The following CAV1 variants were observed in gnomAD, a reference collection of about 807,000 sequenced individuals.
The protein encoded by CAV1 is caveolin 1, also known as caveolin-1.
Under a neutral mutation model 16.5 loss-of-function variants are expected in CAV1, and 10 were observed. The observed-to-expected ratio is 0.61, with a 90% CI of 0.37 to 1.03. The LOEUF is 1.03. Among genes scored for constraint, CAV1 ranks in the 50% least tolerant of loss-of-function variants. The pLI, the probability that CAV1 is intolerant of heterozygous loss-of-function variation, is 0.01. For synonymous variants in CAV1, 76 were observed against 85.1 expected (o/e 0.89, Z 0.59); for missense variants, 212 against 232.8 (o/e 0.91, Z 0.58).
At chr7:116,553,235 C>T (rs1412143209) in intron 2 of CAV1, among the ~76,000 whole-genome samples, 1 of 152,078 alleles carries the variant, frequency 6.6e-6, no homozygotes, top group Non-Finnish European at 1.5e-5. Flanking sequence ...CCTTCAGATA[C>T]ATTGAACAGA....
chr7:116,557,249 T>A (rs1430258071), intron 2 of CAV1, among the ~76,000 whole-genome samples: 1 of 152,226 alleles, frequency 6.6e-6, no homozygotes, highest in Non-Finnish European at 1.5e-5. Context: ...AAACAGAATG[T>A]TCTACAAAAT....
At chr7:116,526,295 A>T in intron 1 of CAV1, 1 of 1,333,636 alleles carries the variant, frequency 7.5e-7, no homozygotes, top group Non-Finnish European at 9.7e-7. Flanking sequence ...CGCCCTGCAG[A>T]GTACAGAGGG....
At chr7:116,554,539 T>C (rs904726992) in intron 2 of CAV1, among the ~76,000 whole-genome samples, 1 of 152,200 alleles carries the variant, frequency 6.6e-6, no homozygotes, top group Non-Finnish European at 1.5e-5. Context: ...AGAGTTCTAA[T>C]TGCAGCTTTT....
rs1232983304 is a variant in CAV1, at chr7:116,555,484, AAAAG to A, written c.196-3428_196-3425del. 1.6e-3 allele frequency among the ~76,000 whole-genome samples: 10 copies of A among 6,084 alleles called. 1 individual carries two copies. Among genetic ancestry groups the A allele is most frequent in the South Asian group, 0.013 (1 of 76 alleles). The allele number at this position is 6,084 out of a possible 152,430, so 4.0% of individuals were successfully genotyped here. On this transcript the variant is annotated intron_variant, in intron 2 of 2. Transcript: ENST00000341049. ...GGAAGGAAGGAAGGAAGGAGGAAAG[AAAAG>A]AAAGAAAGAAAGAAAGAAAGAAAGA...
chr7:116,542,908 G>A (rs971466897), intron 2 of CAV1: 3 of 149,204 alleles, frequency 2.0e-5, no homozygotes, highest in Admixed American at 6.6e-5. Context: ...CCCAAAGTGC[G>A]AGTGGCCACA....
chr7:116,555,188 AT>A (rs1239809953), intron 2 of CAV1, among the ~76,000 whole-genome samples: 1 of 152,024 alleles, frequency 6.6e-6, no homozygotes, highest in Non-Finnish European at 1.5e-5. Context: ...CACGTCTGTA[AT>A]CCCAACACTT....
chr7:116,555,709 A>G (rs987828123), intron 2 of CAV1, among the ~76,000 whole-genome samples: 4 of 151,948 alleles, frequency 2.6e-5, no homozygotes, highest in African/African-American at 9.7e-5. Flanking sequence ...ACCAAAAGCA[A>G]GAGATTTTTT....
chr7:116,539,763 A>G (rs890389828), intron 2 of CAV1, among the ~76,000 whole-genome samples: 2 of 152,060 alleles, frequency 1.3e-5, no homozygotes, highest in Admixed American at 6.6e-5. Flanking sequence ...GTCATGGGGG[A>G]TAAGGCTAAT....
chr7:116,543,678 G>C (rs1793983454), intron 2 of CAV1, among the ~76,000 whole-genome samples: 1 of 152,156 alleles, frequency 6.6e-6, no homozygotes, highest in Admixed American at 6.5e-5. Flanking sequence ...TAGTTCACAT[G>C]ACAGAGAAGT....
intron 2 of CAV1, among the ~76,000 whole-genome samples, chr7:116,546,697 C>CAAAAAAAAAAAAAAAAA (rs5886830): frequency 1.1e-3 from 100 of 88,376 alleles, no homozygotes; most frequent in African/African-American, 2.6e-3. Flanking sequence ...GACTCTGTCA[C>CAAAAAAAAAAAAAAAAA]AAAAAAAAAA....
chr7:116,549,891 T>C (rs1794125436), intron 2 of CAV1, among the ~76,000 whole-genome samples: 2 of 152,180 alleles, frequency 1.3e-5, no homozygotes, highest in East Asian at 3.9e-4. Context: ...TGTAGTCACT[T>C]TTTAGTCACT....
At chr7:116,558,256 A>G (rs1181335749) in intron 2 of CAV1, among the ~76,000 whole-genome samples, 1 of 152,136 alleles carries the variant, frequency 6.6e-6, no homozygotes, top group Non-Finnish European at 1.5e-5. Context: ...CATGTTCCTT[A>G]CATTGTACTG....
intron 2 of CAV1, among the ~76,000 whole-genome samples, chr7:116,535,049 C>A (rs1562830402): frequency 6.6e-6 from 1 of 152,156 alleles, no homozygotes; most frequent in African/African-American, 2.4e-5. Context: ...AAGCTTAGAG[C>A]CTCAGAGTGA....
chr7:116,536,934 C>T (rs999846163), intron 2 of CAV1, among the ~76,000 whole-genome samples: 4 of 135,028 alleles, frequency 3.0e-5, no homozygotes, highest in African/African-American at 8.2e-5. Context: ...ACCCAGGAAG[C>T]GGAGCTTGCA....
intron 2 of CAV1, among the ~76,000 whole-genome samples, chr7:116,553,138 CA>C (rs1427440224): frequency 1.3e-5 from 2 of 152,048 alleles, no homozygotes; most frequent in Non-Finnish European, 1.5e-5. Context: ...ATTCCTTATT[CA>C]AAATAAAATG....
intron 2 of CAV1, among the ~76,000 whole-genome samples, chr7:116,532,665 C>T (rs758110281): frequency 5.9e-5 from 9 of 152,158 alleles, no homozygotes; most frequent in Non-Finnish European, 1.0e-4. Context: ...AGAAATTATG[C>T]CTAACACATA....
chr7:116,534,364 T>TATATATATATATATATATATATATAG (rs1793750701), intron 2 of CAV1, among the ~76,000 whole-genome samples: 1 of 14,174 alleles, frequency 7.1e-5, no homozygotes, highest in Non-Finnish European at 1.8e-4. Context: ...CCACCTCAGA[T>TATATATATATATATATATATATATAG]ATATATATAT....
intron 2 of CAV1, among the ~76,000 whole-genome samples, chr7:116,536,989 A>G (rs985207763): frequency 6.9e-6 from 1 of 145,792 alleles, no homozygotes; most frequent in Non-Finnish European, 1.5e-5. Context: ...CGGCCTGGGC[A>G]ACAGAGCGAG....
chr7:116,534,365 ATATATAT>A (rs1793750885), intron 2 of CAV1, among the ~76,000 whole-genome samples: 4 of 13,218 alleles, frequency 3.0e-4, no homozygotes, highest in Non-Finnish European at 6.0e-4. Context: ...CACCTCAGAT[ATATATAT>A]ATATATATAT....
Sources: gnomAD v4.1 joint callset for allele counts (sites outside exome capture counted in the v4.1 genomes callset) on GRCh38, gnomAD v4.1.1 for gene constraint, MANE v1.5 for transcripts, NCBI Gene and HGNC (gene_info 2026-07-23, HGNC 2026-07-21) for gene names.